Variants in ITFG1 observed in about 807,000 individuals in gnomAD.
The protein encoded by ITFG1 is integrin alpha FG-GAP repeat containing 1, also known as T-cell immunomodulatory protein.
A neutral mutation model predicts 81.8 loss-of-function variants in ITFG1; 34 were observed. The ratio of observed to expected loss-of-function variants is 0.42; its 90% CI spans 0.32 to 0.55. The LOEUF is 0.55. ITFG1 is among the 20% of genes least tolerant of loss of function. The pLI is 0.17. For missense variants in ITFG1, 672 were observed against 755.4 expected (o/e 0.89, Z 1.29); for synonymous variants, 285 against 270.6 (o/e 1.05, Z -0.52).
At chr16:47,245,414 T>C (rs1338976820) in intron 12 of ITFG1, among the ~76,000 whole-genome samples, 1 of 152,204 alleles carries the variant, frequency 6.6e-6, no homozygotes, top group East Asian at 1.9e-4. Context: ...CCCACACTTA[T>C]TACTTCAACC....
intron 10 of ITFG1, among the ~76,000 whole-genome samples, chr16:47,310,333 A>G (rs1967237780): frequency 6.6e-6 from 1 of 152,206 alleles, no homozygotes; most frequent in Non-Finnish European, 1.5e-5. Context: ...CTGGTTCTGA[A>G]TATGGAGCTG....
At chr16:47,227,358 A>G (rs1385611954) in intron 13 of ITFG1, among the ~76,000 whole-genome samples, 1 of 152,122 alleles carries the variant, frequency 6.6e-6, no homozygotes, top group Non-Finnish European at 1.5e-5. Context: ...TGTCCTTTTA[A>G]ATGTCACATC....
At chr16:47,419,228 T>C (rs1968910513) in intron 6 of ITFG1, among the ~76,000 whole-genome samples, 1 of 152,146 alleles carries the variant, frequency 6.6e-6, no homozygotes, top group Non-Finnish European at 1.5e-5. Flanking sequence ...GCTGCAATCA[T>C]AGTGTATTGT....
intron 8 of ITFG1, among the ~76,000 whole-genome samples, chr16:47,353,504 C>A (rs973312044): frequency 6.6e-6 from 1 of 151,916 alleles, no homozygotes; most frequent in Non-Finnish European, 1.5e-5. Flanking sequence ...GACAAGGATG[C>A]CCAGTTTCAC....
chr16:47,288,077 T>C (rs1425813468), intron 10 of ITFG1, among the ~76,000 whole-genome samples: 1 of 152,014 alleles, frequency 6.6e-6, no homozygotes, highest in Admixed American at 6.6e-5. Flanking sequence ...TGAGAAAGAG[T>C]CTATTAACCA....
chr16:47,230,316 G>GT (rs756709703), intron 13 of ITFG1, among the ~76,000 whole-genome samples: 2 of 152,288 alleles, frequency 1.3e-5, no homozygotes, highest in East Asian at 3.9e-4. Flanking sequence ...GAGTGTTTCG[G>GT]TAAGTGTTGG....
At chr16:47,436,321 TAA>T (rs1203996560) in intron 5 of ITFG1, among the ~76,000 whole-genome samples, 3 of 152,034 alleles carry the variant, frequency 2.0e-5, no homozygotes, top group Non-Finnish European at 2.9e-5. Flanking sequence ...CTAAAAAAAA[TAA>T]AGTTTGCATT....
chr16:47,356,869 T>C (rs1398548839), intron 8 of ITFG1, among the ~76,000 whole-genome samples: 1 of 152,164 alleles, frequency 6.6e-6, no homozygotes, highest in Non-Finnish European at 1.5e-5. Context: ...ATTAGGCTCT[T>C]CATAATGAGC....
intron 5 of ITFG1, among the ~76,000 whole-genome samples, chr16:47,443,100 C>T (rs1313126276): frequency 2.6e-5 from 4 of 152,046 alleles, no homozygotes; most frequent in African/African-American, 2.4e-5. Flanking sequence ...CATGAACAGA[C>T]ACTTCTCAAA....
intron 12 of ITFG1, among the ~76,000 whole-genome samples, chr16:47,256,898 T>A (rs1025770058): frequency 2.7e-4 from 41 of 152,352 alleles, no homozygotes; most frequent in Middle Eastern, 6.8e-3. Context: ...CAAATCAACA[T>A]GGGTCTCTTG....
At chr16:47,163,687 A>C (rs1964843614) in intron 14 of ITFG1, among the ~76,000 whole-genome samples, 2 of 152,156 alleles carry the variant, frequency 1.3e-5, no homozygotes, top group Admixed American at 6.6e-5. Flanking sequence ...ATTAGGAACT[A>C]TCGAACTGTT....
At chr16:47,410,400 T>C (rs1461715238) in intron 6 of ITFG1, among the ~76,000 whole-genome samples, 1 of 152,008 alleles carries the variant, frequency 6.6e-6, no homozygotes, top group Non-Finnish European at 1.5e-5. Flanking sequence ...AATTATATAA[T>C]TCAGGAAATG....
At chr16:47,219,040 C>A (rs1446661506) in intron 13 of ITFG1, 94 bp from the exon 14 acceptor site, 7 of 709,734 alleles carry the variant, frequency 9.9e-6, no homozygotes, top group Non-Finnish European at 1.6e-5. Flanking sequence ...AATTCTTACA[C>A]AGATGACAGT....
intron 12 of ITFG1, among the ~76,000 whole-genome samples, chr16:47,256,730 C>T (rs933374946): frequency 1.4e-4 from 21 of 152,220 alleles, no homozygotes; most frequent in African/African-American, 4.8e-4. Flanking sequence ...ACTGAATTTG[C>T]TGTTTAGAAA....
intron 8 of ITFG1, 173 bp downstream of exon 8, chr16:47,365,615 G>T: frequency 2.2e-6 from 1 of 462,524 alleles, no homozygotes; most frequent in South Asian, 5.9e-5. Flanking sequence ...TTTCATTAAG[G>T]AATTGACATG....
chr16:47,429,088 A>G (rs1295495872), intron 5 of ITFG1, among the ~76,000 whole-genome samples, 190 bp from the exon 6 acceptor site: 12 of 152,212 alleles, frequency 7.9e-5, no homozygotes, highest in Non-Finnish European at 1.6e-4. Flanking sequence ...TCACTACTAT[A>G]TAACTCCAAA....
At chr16:47,422,819 T>C (rs1026275426) in intron 6 of ITFG1, among the ~76,000 whole-genome samples, 25 of 152,162 alleles carry the variant, frequency 1.6e-4, no homozygotes, top group Non-Finnish European at 2.9e-4. Flanking sequence ...TAGTTTGTAT[T>C]TCTGTGGGAG....
intron 17 of ITFG1, chr16:47,157,571 T>C (rs1964733044): frequency 6.6e-6 from 1 of 152,232 alleles, no homozygotes; most frequent in Non-Finnish European, 1.5e-5. Flanking sequence ...AACTGTGGAA[T>C]CTTTCAGATG....
intron 8 of ITFG1, chr16:47,317,889 ATCT>A (rs1596889226): frequency 6.6e-6 from 1 of 152,348 alleles, no homozygotes. Context: ...ACTCCAGGAC[ATCT>A]TCTACATAAT....
Sources: allele counts gnomAD v4.1 joint callset (sites outside exome capture counted in the v4.1 genomes callset), GRCh38; gene constraint gnomAD v4.1.1; transcripts MANE v1.5; gene names NCBI Gene and HGNC (gene_info 2026-07-23, HGNC 2026-07-21).